PKP4: variants seen among roughly 807,000 people sequenced by gnomAD.
PKP4 encodes plakophilin-4.
In PKP4, 90 loss-of-function variants were observed where a neutral mutation model predicts 145.1. The observed-to-expected ratio is 0.62, with a 90% CI of 0.52 to 0.74. The LOEUF (loss-of-function observed/expected upper bound fraction) is 0.74, where lower values mean the gene tolerates loss of function less well. PKP4 is among the 30% of genes least tolerant of loss of function. PKP4 has a pLI of 0.00. For synonymous variants in PKP4, 563 were observed against 577.2 expected (o/e 0.98, Z 0.35); for missense variants, 1,340 against 1,482.7 (o/e 0.90, Z 1.58).
At chr2:158,677,191 C>G in intron 20 of PKP4, 1 of 365,906 alleles carries the variant, frequency 2.7e-6, no homozygotes, top group Non-Finnish European at 5.3e-6. Flanking sequence ...CTCGAGCAGT[C>G]TCTGTGTTTT....
chr2:158,565,289 A>G (rs1268863311), intron 2 of PKP4, among the ~76,000 whole-genome samples: 1 of 152,198 alleles, frequency 6.6e-6, no homozygotes. Flanking sequence ...ACATAAGCAA[A>G]TATATTTCTT....
rs147334345 is a variant in PKP4, at chr2:158,634,291, C to T, written c.1562+2C>T. 5.9e-5 allele frequency: 95 copies of T among 1,612,244 alleles called. No homozygotes were observed. The highest frequency in any genetic ancestry group is 5.5e-4 in the African/African-American group (41 of 74,870). ...AGACAGCATTCAGAAGGACCCCAGG[C>T]GAGTACCAGTTAGGAGTCTCTAGAA... On this transcript the variant is annotated splice_donor_variant, in intron 9 of 21. Coordinates refer to ENST00000389759, the MANE Select transcript of PKP4 (RefSeq NM_003628.6). LOFTEE classifies it low-confidence loss of function (GC_TO_GT_DONOR).
intron 1 of PKP4, among the ~76,000 whole-genome samples, chr2:158,468,080 A>G (rs1189685235): frequency 2.6e-5 from 4 of 152,206 alleles, no homozygotes; most frequent in African/African-American, 7.2e-5. Flanking sequence ...TAGAGTTGCT[A>G]TGAATATGTA....
At chr2:158,615,376 T>C (rs1372309438) in intron 4 of PKP4, among the ~76,000 whole-genome samples, 1 of 152,140 alleles carries the variant, frequency 6.6e-6, no homozygotes, top group Non-Finnish European at 1.5e-5. Flanking sequence ...TGAAGCCTGT[T>C]AAACTCAGTA....
chr2:158,569,386 A>G (rs2047246784), intron 2 of PKP4, among the ~76,000 whole-genome samples: 1 of 152,106 alleles, frequency 6.6e-6, no homozygotes, highest in Non-Finnish European at 1.5e-5. Flanking sequence ...TGATCGTGAG[A>G]TCTCAAGGTA....
At chr2:158,551,795 A>G (rs937895539) in intron 2 of PKP4, among the ~76,000 whole-genome samples, 3 of 152,232 alleles carry the variant, frequency 2.0e-5, no homozygotes, top group Non-Finnish European at 2.9e-5. Context: ...AGTATCTCAC[A>G]TTTACATATT....
At chr2:158,526,718 T>C (rs2042986822) in intron 1 of PKP4, among the ~76,000 whole-genome samples, 1 of 85,246 alleles carries the variant, frequency 1.2e-5, no homozygotes, top group South Asian at 6.3e-4. Context: ...GACGACATGA[T>C]TGTTTATCTA....
chr2:158,567,775 T>C (rs952867184), intron 2 of PKP4, among the ~76,000 whole-genome samples: 4 of 152,146 alleles, frequency 2.6e-5, no homozygotes, highest in African/African-American at 9.7e-5. Context: ...GGGAGAAGAC[T>C]TAATGAGTTT....
At chr2:158,651,201 T>C (rs1038103111) in intron 11 of PKP4, among the ~76,000 whole-genome samples, 1 of 152,218 alleles carries the variant, frequency 6.6e-6, no homozygotes, top group Non-Finnish European at 1.5e-5. Context: ...GGCAATTGAT[T>C]AGCCCAGCAG....
chr2:158,651,091 A>T (rs1558953146), intron 11 of PKP4, among the ~76,000 whole-genome samples: 1 of 152,180 alleles, frequency 6.6e-6, no homozygotes, highest in Admixed American at 6.5e-5. Context: ...ATAACTGAGG[A>T]TAGTAGTTTT....
intron 1 of PKP4, among the ~76,000 whole-genome samples, chr2:158,532,597 T>G (rs1440783690): frequency 6.6e-6 from 1 of 152,090 alleles, no homozygotes; most frequent in African/African-American, 2.4e-5. Context: ...GCTCTCACTA[T>G]GTGTTGTCTT....
rs765483833 is a variant in PKP4, at chr2:158,678,570, T to TTTTC, written c.3257-8_3257-5dup. ...GCACTAGTTTTAATTTCATAAAATATTTTCTTACAGGCTCCAGCAAACCTT... is the reference window on the plus strand; with the variant it reads ...GCACTAGTTTTAATTTCATAAAATATTTTCTTTCTTACAGGCTCCAGCAAACCTT... On this transcript the variant is annotated splice_polypyrimidine_tract_variant and intron_variant, in intron 20 of 21. Transcript: ENST00000389759. 6.3e-7 allele frequency: 1 copy of TTTTC among 1,596,556 alleles called. No individual in the cohort carries two copies. The highest frequency in any genetic ancestry group is 8.6e-7 in the Non-Finnish European group (1 of 1,164,126).
At chr2:158,502,274 A>C (rs550587050) in intron 1 of PKP4, among the ~76,000 whole-genome samples, 1 of 152,260 alleles carries the variant, frequency 6.6e-6, no homozygotes, top group Admixed American at 6.5e-5. Context: ...CTGGACACAG[A>C]AGTGACCTCT....
chr2:158,542,244 A>G (rs1355977710), intron 2 of PKP4, among the ~76,000 whole-genome samples: 2 of 152,152 alleles, frequency 1.3e-5, no homozygotes, highest in Admixed American at 6.6e-5. Flanking sequence ...GATAAGTAAT[A>G]TTATTTTTCT....
In PKP4 at chr2:158,617,323, A is replaced by T. The variant is rs971699915; in HGVS notation, c.281-3667A>T. 8.1e-5 allele frequency among the ~76,000 whole-genome samples: 12 copies of T among 148,804 alleles called. No homozygotes were observed. The East Asian group carries it at 2.3e-3, about 29-fold the overall frequency. ...GGTGTCCCAGAAAACATGTTTGTGA[A>T]TTTTTTTTTTTTAAACCAACACATG... is the stretch of plus-strand genomic sequence containing the variant. On this transcript the variant is annotated intron_variant, in intron 4 of 21. Coordinates refer to ENST00000389759, the MANE Select transcript of PKP4 (RefSeq NM_003628.6).
chr2:158,497,744 A>G (rs1695948444), intron 1 of PKP4, among the ~76,000 whole-genome samples: 1 of 152,250 alleles, frequency 6.6e-6, no homozygotes, highest in Non-Finnish European at 1.5e-5. Flanking sequence ...TAAAGTGCTT[A>G]GCACTGTATG....
chr2:158,481,756 G>A (rs972183099), intron 1 of PKP4, among the ~76,000 whole-genome samples: 2 of 152,102 alleles, frequency 1.3e-5, no homozygotes, highest in African/African-American at 2.4e-5. Flanking sequence ...GCTATTATAA[G>A]TACTATGATT....
chr2:158,584,511 G>A (rs2105801650), intron 3 of PKP4, among the ~76,000 whole-genome samples: 1 of 152,278 alleles, frequency 6.6e-6, no homozygotes, highest in South Asian at 2.1e-4. Context: ...TAGTGGTTCA[G>A]CTTCTTGTGT....
At chr2:158,542,199 C>T (rs2044583409) in intron 2 of PKP4, among the ~76,000 whole-genome samples, 1 of 152,120 alleles carries the variant, frequency 6.6e-6, no homozygotes, top group Non-Finnish European at 1.5e-5. Flanking sequence ...CTGGAGATTT[C>T]CCATTGTCCC....
Sources: allele counts gnomAD v4.1 joint callset (sites outside exome capture counted in the v4.1 genomes callset), GRCh38; gene constraint gnomAD v4.1.1; transcripts MANE v1.5; gene names NCBI Gene and HGNC (gene_info 2026-07-23, HGNC 2026-07-21).